Variants in TIAM1 observed in about 807,000 individuals in gnomAD.
The protein encoded by TIAM1 is rho guanine nucleotide exchange factor TIAM1.
TIAM1 carries 65 observed loss-of-function variants against 163.5 expected under a neutral mutation model. The ratio of observed to expected loss-of-function variants is 0.40; its 90% confidence interval spans 0.33 to 0.49. The LOEUF (loss-of-function observed/expected upper bound fraction) is 0.49. Among genes scored for constraint, TIAM1 ranks in the 20% least tolerant of loss-of-function variants. The probability of loss-of-function intolerance (pLI) is 0.77; values close to 1 mark genes in which losing one functional copy is unlikely to be tolerated. For synonymous variants in TIAM1, 833 were observed against 810.1 expected (o/e 1.03, Z -0.48); for missense variants, 1,789 against 2,044.7 (o/e 0.87, Z 2.41).
intron 22 of TIAM1, among the ~76,000 whole-genome samples, chr21:31,136,561 C>T (rs1050573188): frequency 3.9e-5 from 6 of 151,954 alleles, no homozygotes; most frequent in Admixed American, 3.3e-4. Context: ...CCCAAAGAAA[C>T]ACATGGAATA....
chr21:31,152,710 A>T lies in TIAM1; in HGVS notation c.3292T>A (p.Phe1098Ile). 6.2e-7 allele frequency: 1 copy of T among 1,614,186 alleles called. No individual in the cohort carries two copies. Among genetic ancestry groups the T allele is most frequent in the Non-Finnish European group, 8.5e-7 (1 of 1,180,018 alleles). The change falls in exon 19 of 28, where the codon TTC becomes ATC. Residue 1098 changes from phenylalanine to isoleucine, a missense_variant. By Grantham distance (21) the Phe-to-Ile change is conservative (BLOSUM62 0). Around this residue, in one of 5 missense-constraint regions of TIAM1, gnomAD observed 303 missense variants for 321.3 expected, o/e 0.94. Transcript: ENST00000541036. ...LTEMVEFQVE[F>I]LKTLEDGVRL... is the part of the protein sequence containing the mutation. ...ACTCCATCTTCTAGAGTTTTAAGGAATTCTACTTGAAACTCTACCATTTCC... is the reference window on the plus strand; with the variant it reads ...ACTCCATCTTCTAGAGTTTTAAGGATTTCTACTTGAAACTCTACCATTTCC...
chr21:31,368,147 A>T (rs2284501), intron 2 of TIAM1, among the ~76,000 whole-genome samples: 12,981 of 152,248 alleles, frequency 0.085, 913 homozygotes, highest in East Asian at 0.39. Context: ...TTGATGGCAA[A>T]CCTAACAAAA....
chr21:31,423,227 T>C (rs2043646826), intron 2 of TIAM1, among the ~76,000 whole-genome samples: 1 of 149,700 alleles, frequency 6.7e-6, no homozygotes, highest in Admixed American at 6.7e-5. Flanking sequence ...GTCTCCCGAG[T>C]AGCTGGGACT....
chr21:31,509,781 G>A (rs1450606443), intron 1 of TIAM1, among the ~76,000 whole-genome samples: 1 of 152,166 alleles, frequency 6.6e-6, no homozygotes, highest in African/African-American at 2.4e-5. Flanking sequence ...TTCTCTCTCA[G>A]GGGCGCCCCC....
intron 2 of TIAM1, among the ~76,000 whole-genome samples, chr21:31,434,010 C>T (rs2044128305): frequency 6.6e-6 from 1 of 152,078 alleles, no homozygotes. Flanking sequence ...GTTGCCCAGG[C>T]TGGTCTCAAA....
chr21:31,234,894 A>C (rs1487870325), intron 6 of TIAM1, among the ~76,000 whole-genome samples: 2 of 152,232 alleles, frequency 1.3e-5, no homozygotes, highest in African/African-American at 2.4e-5. Flanking sequence ...AATAAAACAC[A>C]AACATGCTAA....
intron 2 of TIAM1, among the ~76,000 whole-genome samples, chr21:31,337,518 G>GTTATTA (rs55760697): frequency 0.021 from 3,064 of 147,242 alleles, 75 homozygotes; most frequent in African/African-American, 0.059. Flanking sequence ...TATTATTGTT[G>GTTATTA]TTATTATTAT....
intron 2 of TIAM1, among the ~76,000 whole-genome samples, chr21:31,461,549 T>C (rs559246068): frequency 6.6e-6 from 1 of 152,254 alleles, no homozygotes; most frequent in East Asian, 1.9e-4. Flanking sequence ...CAATTATCGA[T>C]GAAGTAAAAG....
At chr21:31,555,186 CTT>C (rs545553753) in intron 1 of TIAM1, among the ~76,000 whole-genome samples, 21 of 132,554 alleles carry the variant, frequency 1.6e-4, no homozygotes, top group Non-Finnish European at 1.6e-4. Context: ...AGAATTTGTT[CTT>C]TTTTTTTTTT....
At chr21:31,511,616 A>G (rs2147472358) in intron 1 of TIAM1, among the ~76,000 whole-genome samples, 1 of 152,340 alleles carries the variant, frequency 6.6e-6, no homozygotes, top group South Asian at 2.1e-4. Context: ...GGGTTTGATA[A>G]GTCCTGACAA....
chr21:31,546,784 T>C (rs2048511263), intron 1 of TIAM1, among the ~76,000 whole-genome samples: 1 of 152,210 alleles, frequency 6.6e-6, no homozygotes, highest in East Asian at 1.9e-4. Context: ...TTCCACGAAG[T>C]AACTTGTTGA....
chr21:31,556,844 C>G (rs1268796729), intron 1 of TIAM1, among the ~76,000 whole-genome samples: 2 of 152,184 alleles, frequency 1.3e-5, no homozygotes, highest in African/African-American at 4.8e-5. Context: ...GCAAAGGCAT[C>G]CACCCTCCCT....
intron 6 of TIAM1, among the ~76,000 whole-genome samples, chr21:31,241,062 C>T (rs2071147676): frequency 6.6e-6 from 1 of 152,128 alleles, no homozygotes; most frequent in Admixed American, 6.5e-5. Flanking sequence ...CTCTTGTCTG[C>T]TGCCATGTAA....
At chr21:31,369,116 C>T (rs2076549397) in intron 2 of TIAM1, among the ~76,000 whole-genome samples, 1 of 151,356 alleles carries the variant, frequency 6.6e-6, no homozygotes, top group Non-Finnish European at 1.5e-5. Context: ...GTCTCAGCTT[C>T]TTGGGAGGCT....
At chr21:31,359,711 C>A (rs2076372373) in intron 2 of TIAM1, among the ~76,000 whole-genome samples, 1 of 150,612 alleles carries the variant, frequency 6.6e-6, no homozygotes, top group African/African-American at 2.5e-5. Flanking sequence ...ATTGCTTGAA[C>A]CCGGGAGGCA....
intron 1 of TIAM1, among the ~76,000 whole-genome samples, chr21:31,488,927 A>C (rs2046363819): frequency 6.6e-6 from 1 of 152,140 alleles, no homozygotes; most frequent in South Asian, 2.1e-4. Context: ...ATAAGTGGCA[A>C]AATTATGGAT....
intron 1 of TIAM1, among the ~76,000 whole-genome samples, chr21:31,526,347 T>C (rs761684443): frequency 3.9e-5 from 6 of 152,154 alleles, no homozygotes; most frequent in Non-Finnish European, 8.8e-5. Context: ...TCTGCTGACT[T>C]TGATGAGTGC....
At chr21:31,464,515 C>G (rs2045450431) in intron 1 of TIAM1, among the ~76,000 whole-genome samples, 1 of 152,072 alleles carries the variant, frequency 6.6e-6, no homozygotes, top group Non-Finnish European at 1.5e-5. Context: ...CAAGACCAGT[C>G]TCGGCAACAC....
intron 4 of TIAM1, among the ~76,000 whole-genome samples, chr21:31,256,975 CA>C (rs1278672650): frequency 6.6e-6 from 1 of 152,250 alleles, no homozygotes; most frequent in Non-Finnish European, 1.5e-5. Flanking sequence ...TAACTTCCTG[CA>C]CCAACATGGA....
Sources: gnomAD v4.1 joint callset for allele counts (sites outside exome capture counted in the v4.1 genomes callset) on GRCh38, gnomAD v4.1.1 for gene constraint, gnomAD v4.1.1 regional missense constraint, MANE v1.5 for transcripts, NCBI Gene and HGNC (gene_info 2026-07-23, HGNC 2026-07-21) for gene names.